IGSF3: variants seen among roughly 807,000 people sequenced by gnomAD.
IGSF3 encodes the protein glu-Trp-Ile EWI motif-containing protein 3.
In IGSF3, 23 loss-of-function variants were observed where a neutral mutation model predicts 114.4. The observed-to-expected ratio is 0.20, with a 90% CI of 0.14 to 0.28. IGSF3 has a LOEUF of 0.28. IGSF3 is among the 10% of genes least tolerant of loss of function. IGSF3 has a pLI of 1.00. For missense variants in IGSF3, 1,172 were observed against 1,591.5 expected, an observed-to-expected ratio of 0.74 and a Z score of 4.48; for synonymous variants, 571 against 645.2, an observed-to-expected ratio of 0.88 and a Z score of 1.74.
At position 116,632,183 on chromosome 1, in the gene IGSF3, ATATAGT is replaced by A. The variant is rs1209149364; in HGVS notation, c.44-15732_44-15727del. On this transcript the variant is annotated intron_variant, in intron 2 of 10. Transcript: ENST00000369486. The surrounding 1 kb of genome is among the most constrained non-coding windows in gnomAD (Gnocchi z 5.1). ...GATTCCATTAATGAGGGCTCTGATG[ATATAGT>A]TGTGGAGGTTATCAGTTTGCCAGAG... 4.6e-5 allele frequency among the ~76,000 whole-genome samples: 7 copies of A among 152,360 alleles called. No homozygotes were observed. Among genetic ancestry groups the A allele is most frequent in the African/African-American group, 1.7e-4 (7 of 41,576 alleles).
At chr1:116,609,785 G>A (rs1328791816) in intron 4 of IGSF3, among the ~76,000 whole-genome samples, 2 of 152,006 alleles carry the variant, frequency 1.3e-5, no homozygotes, top group African/African-American at 2.4e-5. Flanking sequence ...CACTCTTCAA[G>A]CAGATGAGGT....
rs1270811071 is a variant in IGSF3, at chr1:116,575,286, AAATG to A, written c.*2022_*2025del. 1 of 152,694 alleles carries A rather than the reference AAATG, an allele frequency of 6.5e-6. No individual in the cohort carries two copies. The highest frequency in any genetic ancestry group is 1.5e-5 in the Non-Finnish European group (1 of 68,054). The allele number at this position is 152,694 out of a possible 1,614,324, so 9.5% of individuals were successfully genotyped here. On this transcript the variant is annotated 3_prime_UTR_variant, in exon 11 of 11. Transcript: ENST00000369486. This position sits in a 1 kb window ranked among gnomAD's most constrained non-coding sequence, Gnocchi z 5.6. The stretch of plus-strand genomic sequence containing the variant: ...CTCTAATGTGTTGATGCAGCATAAT[AAATG>A]AGAATCAGCATGTCAGGCAACAGCA...
rs572716568 is a variant in IGSF3 at position 116,613,819 on chromosome 1, A to G, written c.778T>C (p.Tyr260His). The change falls in exon 4 of 11, where the codon TAT becomes CAT. Residue 260 changes from tyrosine to histidine, a missense_variant. By Grantham distance (83) the Tyr-to-His change is moderately conservative (BLOSUM62 2). Transcript: ENST00000369486. ...EWIQDPDGSWYAMTRKRSEGA... is the reference protein window; with the variant it reads ...EWIQDPDGSWHAMTRKRSEGA... ...TCGGAACGCTTTCGGGTCATAGCAT[A>G]CCACGACCCATCCGGATCCTGGATC... 2 of 1,613,910 alleles carry G rather than the reference A, an allele frequency of 1.2e-6. No homozygotes were observed. Among genetic ancestry groups the G allele is most frequent in the East Asian group, 4.5e-5 (2 of 44,880 alleles).
rs1571119091 is a variant in IGSF3, at chr1:116,585,204, T to C, written c.2441-152A>G. The C allele has an allele frequency of 1.7e-6, 1 of 584,982 alleles. No individual in the cohort carries two copies. Among genetic ancestry groups the C allele is most frequent in the Non-Finnish European group, 2.9e-6 (1 of 344,352 alleles). 36.2% of individuals were successfully genotyped at this position (584,982 alleles called of 1,614,324 possible). On this transcript the variant is annotated intron_variant, in intron 8 of 10. Coordinates refer to ENST00000369486, the MANE Select transcript of IGSF3 (RefSeq NM_001007237.3). The surrounding 1 kb of genome is among the most constrained non-coding windows in gnomAD (Gnocchi z 4.9). ...GAAACGTTTCTCAGATGTGGCTCCC[T>C]AAACATTCTGAGTTCCTTGATCGTG...
Position 116,588,535 on chromosome 1 carries a change from T to C in IGSF3, c.2440+159A>G, listed in dbSNP as rs566829308. Among the ~76,000 whole-genome samples the C allele has an allele frequency of 5.3e-5, 8 of 152,264 alleles. No homozygotes were observed. Among genetic ancestry groups the C allele is most frequent in the South Asian group, 2.1e-4 (1 of 4,826 alleles). ...CCCACTGCAGGTAAAATGGATGGGA[T>C]TGCAGTGTGCTAGGGTGATGGTCCG... On this transcript the variant is annotated intron_variant, in intron 8 of 10. Transcript: ENST00000369486. This position sits in a 1 kb window ranked among gnomAD's most constrained non-coding sequence, Gnocchi z 4.9.
chr1:116,628,288 C>T lies in IGSF3; in HGVS notation c.44-11831G>A, dbSNP rs1338400418. Among the ~76,000 whole-genome samples the T allele has an allele frequency of 6.6e-6, 1 of 152,210 alleles. No homozygotes were observed. Among genetic ancestry groups the T allele is most frequent in the Non-Finnish European group, 1.5e-5 (1 of 68,030 alleles). On this transcript the variant is annotated intron_variant, in intron 2 of 10. Coordinates refer to ENST00000369486, the MANE Select transcript of IGSF3 (RefSeq NM_001007237.3). The surrounding 1 kb of genome is among the most constrained non-coding windows in gnomAD (Gnocchi z 4.2). Reference sequence around the variant, plus strand: ...TCAGGGACAAAGTTCCTTTACTCAGCCATAGTTTCTGTGCTCCAAATACTC... The same window carrying T: ...TCAGGGACAAAGTTCCTTTACTCAGTCATAGTTTCTGTGCTCCAAATACTC...
In IGSF3 at chr1:116,647,142, G is replaced by A. The variant is rs923050551; in HGVS notation, c.43+19142C>T. Among the ~76,000 whole-genome samples, 1 of 152,218 alleles carries A rather than the reference G, an allele frequency of 6.6e-6. No homozygotes were observed. The highest frequency in any genetic ancestry group is 1.5e-5 in the Non-Finnish European group (1 of 68,042). Reference sequence around the variant, plus strand: ...CAAAGGTATGGCAGGTGACAAAAAAGATGAGGCTGAAGGTCAGGAGAGACC... The same window carrying A: ...CAAAGGTATGGCAGGTGACAAAAAAAATGAGGCTGAAGGTCAGGAGAGACC... On this transcript the variant is annotated intron_variant, in intron 2 of 10. Transcript: ENST00000369486. The surrounding 1 kb of genome is among the most constrained non-coding windows in gnomAD (Gnocchi z 4.6).
At position 116,576,289 on chromosome 1, in the gene IGSF3, A is replaced by G. The variant is rs1014093272; in HGVS notation, c.*1023T>C. 1 of 151,702 alleles carries G rather than the reference A, an allele frequency of 6.6e-6. No homozygotes were observed. The highest frequency in any genetic ancestry group is 1.5e-5 in the Non-Finnish European group (1 of 67,954). The allele number at this position is 151,702 out of a possible 1,614,324, so 9.4% of individuals were successfully genotyped here. On this transcript the variant is annotated 3_prime_UTR_variant, in exon 11 of 11. Coordinates refer to ENST00000369486, the MANE Select transcript of IGSF3 (RefSeq NM_001007237.3). The surrounding 1 kb of genome is among the most constrained non-coding windows in gnomAD (Gnocchi z 4.6). ...GGCCCTGTGCTCAGCTCAGGGGCCC[A>G]CTTCCAAGTTCACTGGACACTTTCT...
rs928466602 is a variant in IGSF3, at chr1:116,614,438, A to T, written c.422-263T>A. On this transcript the variant is annotated intron_variant, in intron 3 of 10. Coordinates refer to ENST00000369486, the MANE Select transcript of IGSF3 (RefSeq NM_001007237.3). The surrounding 1 kb of genome is among the most constrained non-coding windows in gnomAD (Gnocchi z 4.5). ...TTGGATAAAACATGGGGTGTATTTC[A>T]TATTACATAATAAATAAACTCCCTG... Among the ~76,000 whole-genome samples the T allele has an allele frequency of 6.6e-6, 1 of 152,232 alleles. No homozygotes were observed. Among genetic ancestry groups the T allele is most frequent in the Non-Finnish European group, 1.5e-5 (1 of 68,046 alleles).
Position 116,610,947 on chromosome 1 carries a change from T to G in IGSF3, c.833-2616A>C, listed in dbSNP as rs1471985142. On this transcript the variant is annotated intron_variant, in intron 4 of 10. Coordinates refer to ENST00000369486, the MANE Select transcript of IGSF3 (RefSeq NM_001007237.3). This position sits in a 1 kb window ranked among gnomAD's most constrained non-coding sequence, Gnocchi z 4.3. ...CTGCCACAAATGCAAAAGTCCCGCA[T>G]GTCCTCATTATTGTTCCTTCCCTCC... is the stretch of plus-strand genomic sequence containing the variant. Among the ~76,000 whole-genome samples, 2 of 152,204 alleles carry G rather than the reference T, an allele frequency of 1.3e-5. No homozygotes were observed. The highest frequency in any genetic ancestry group is 2.9e-5 in the Non-Finnish European group (2 of 68,032).
Position 116,612,617 on chromosome 1 carries a change from C to T in IGSF3, c.832+1148G>A, listed in dbSNP as rs1252982144. ...TGACTGCAGCAAATGGAACAGGGAG[C>T]CCAAGAGACAGGTCCTGACGAAGGA... On this transcript the variant is annotated intron_variant, in intron 4 of 10. Coordinates refer to ENST00000369486, the MANE Select transcript of IGSF3 (RefSeq NM_001007237.3). This position sits in a 1 kb window ranked among gnomAD's most constrained non-coding sequence, Gnocchi z 4.1. Among the ~76,000 whole-genome samples the T allele has an allele frequency of 3.9e-5, 6 of 152,244 alleles. No homozygotes were observed. Among genetic ancestry groups the T allele is most frequent in the Admixed American group, 6.5e-5 (1 of 15,290 alleles).
chr1:116,631,014 G>A (rs1394000282), intron 2 of IGSF3, among the ~76,000 whole-genome samples: 1 of 152,116 alleles, frequency 6.6e-6, no homozygotes, highest in Non-Finnish European at 1.5e-5. Flanking sequence ...GGGATAGGGT[G>A]CTCTACTAAA....
intron 2 of IGSF3, among the ~76,000 whole-genome samples, chr1:116,641,548 GAA>G (rs1251070193): frequency 1.3e-5 from 1 of 78,448 alleles, no homozygotes; most frequent in African/African-American, 4.4e-5. Flanking sequence ...AAGAAAGAAA[GAA>G]AAAGAAAGAA....
intron 2 of IGSF3, among the ~76,000 whole-genome samples, chr1:116,658,849 T>TG (rs1648991822): frequency 6.6e-6 from 1 of 152,220 alleles, no homozygotes; most frequent in African/African-American, 2.4e-5. Context: ...ATCCTGTCAG[T>TG]GTCCTCCTGT....
chr1:116,617,859 C>G (rs1171157727), intron 2 of IGSF3, among the ~76,000 whole-genome samples: 1 of 152,224 alleles, frequency 6.6e-6, no homozygotes, highest in Non-Finnish European at 1.5e-5. Context: ...ATTTCAATGG[C>G]CCCTTGACAA....
Position 116,628,635 on chromosome 1 carries a change from T to C in IGSF3, c.44-12178A>G, listed in dbSNP as rs1647415408. ...CTAGCATACTCATAAAGCATGAACA[T>C]CTACACGTAACTAAAAATAAATACT... On this transcript the variant is annotated intron_variant, in intron 2 of 10. Transcript: ENST00000369486. This position sits in a 1 kb window ranked among gnomAD's most constrained non-coding sequence, Gnocchi z 4.2. Among the ~76,000 whole-genome samples the C allele has an allele frequency of 6.6e-6, 1 of 152,116 alleles. No individual in the cohort carries two copies.
chr1:116,580,333 G>C (rs1557853848), intron 9 of IGSF3, among the ~76,000 whole-genome samples: 1 of 152,232 alleles, frequency 6.6e-6, no homozygotes, highest in Admixed American at 6.5e-5. Flanking sequence ...TAGCAAAGAG[G>C]AGGTCTTGCT....
intron 2 of IGSF3, among the ~76,000 whole-genome samples, chr1:116,643,080 G>A (rs1243785749): frequency 4.6e-5 from 7 of 152,198 alleles, no homozygotes; most frequent in Admixed American, 2.0e-4. Flanking sequence ...GCAGGGGGAT[G>A]GGGGAGAGGC....
At chr1:116,646,517 C>A (rs1648379985) in intron 2 of IGSF3, among the ~76,000 whole-genome samples, 1 of 151,874 alleles carries the variant, frequency 6.6e-6, no homozygotes, top group Non-Finnish European at 1.5e-5. Flanking sequence ...CACAAACAGT[C>A]AAGGAGAGAA....
Sources: allele counts gnomAD v4.1 joint callset (sites outside exome capture counted in the v4.1 genomes callset), GRCh38; gene constraint gnomAD v4.1.1; non-coding constraint Gnocchi (gnomAD v3.1); transcripts MANE v1.5; gene names NCBI Gene and HGNC (gene_info 2026-07-23, HGNC 2026-07-21).